Variants in MAP3K15 observed in about 807,000 individuals in gnomAD.
MAP3K15 encodes the protein mitogen-activated protein kinase kinase kinase 15, also known as MAPK/ERK kinase kinase 15.
MAP3K15 carries 124 observed loss-of-function variants against 99.5 expected under a neutral mutation model. The observed-to-expected ratio is 1.25, with a 90% CI of 1.08 to 1.45. The LOEUF is 1.45. MAP3K15 is among the 40% of genes most tolerant of loss of function. The pLI is 0.00. For missense variants in MAP3K15, 1,242 were observed against 1,079.7 expected (o/e 1.15, Z -2.11); for synonymous variants, 494 against 439.6 (o/e 1.12, Z -1.55).
chrX:19,415,901 T>A (rs144899916), intron 9 of MAP3K15, among the ~76,000 whole-genome samples: 1,404 of 111,589 alleles, frequency 0.013, 19 homozygotes, highest in African/African-American at 0.043. Flanking sequence ...AAGAAAAATA[T>A]AAACAAATGT....
rs184173468 is a variant in MAP3K15 at position 19,497,879 on chromosome X, G to T, written c.362-8912C>A. ...TTTGCGTTCCTCTGCACAGGACAAG[G>T]AATGGGGTTAGGATGCAATCTTCAA... On this transcript the variant is annotated intron_variant, in intron 1 of 28. Coordinates refer to ENST00000338883, the MANE Select transcript of MAP3K15 (RefSeq NM_001001671.4). Among the ~76,000 whole-genome samples the T allele has an allele frequency of 3.2e-4, 36 of 111,395 alleles. No individual in the cohort carries two copies. In the Admixed American group the frequency reaches 3.3e-3, roughly 10 times the overall value.
At chrX:19,458,076 TG>T (rs746647566) in intron 5 of MAP3K15, among the ~76,000 whole-genome samples, 11 of 112,245 alleles carry the variant, frequency 9.8e-5, no homozygotes, top group Admixed American at 8.5e-4. Context: ...TTAGAATCGT[TG>T]GAACTGGCCA....
chrX:19,483,820 C>T (rs1738296469), intron 3 of MAP3K15, among the ~76,000 whole-genome samples: 2 of 111,912 alleles, frequency 1.8e-5, no homozygotes, highest in African/African-American at 6.5e-5. Flanking sequence ...AACCATTTTT[C>T]TGTTTACCCT....
intron 9 of MAP3K15, among the ~76,000 whole-genome samples, chrX:19,417,355 G>C (rs187901292): frequency 1.1e-4 from 12 of 111,991 alleles, no homozygotes; most frequent in African/African-American, 3.9e-4. Flanking sequence ...CTAATACTGC[G>C]CTTTTCCAAT....
intron 6 of MAP3K15, among the ~76,000 whole-genome samples, chrX:19,456,105 C>T (rs1032306471): frequency 1.8e-5 from 2 of 110,864 alleles, no homozygotes; most frequent in African/African-American, 3.3e-5. Context: ...CAGAATCCTA[C>T]CACTGTTTGC....
intron 12 of MAP3K15, 68 bp downstream of exon 12, chrX:19,409,856 T>G: frequency 1.1e-6 from 1 of 871,439 alleles, no homozygotes; most frequent in East Asian, 3.1e-5. Flanking sequence ...AGTGGAAACA[T>G]TAAAGTGCAT....
At chrX:19,456,322 T>C (rs779238440) in intron 6 of MAP3K15, among the ~76,000 whole-genome samples, 7 of 111,551 alleles carry the variant, frequency 6.3e-5, no homozygotes, top group African/African-American at 9.8e-5. Context: ...AAACCACTAA[T>C]ACACACAACC....
Position 19,460,082 on chromosome X carries a change from G to A in MAP3K15, c.791C>T (p.Ala264Val), listed in dbSNP as rs755751423. Residue 264 changes from alanine to valine, a missense_variant, in exon 5 of 29, where the codon GCG becomes GTG. Ala to Val is a moderately conservative substitution (Grantham distance 64, BLOSUM62 0). Transcript: ENST00000338883. ...AREKYQGEELAKELARIKLRM... is the reference protein window; with the variant it reads ...AREKYQGEELVKELARIKLRM... ...GAGCTTGATCCGAGCTAGCTCCTTCGCCAGTTCCTCACCTTGGTATTTCTC... is the reference window on the plus strand; with the variant it reads ...GAGCTTGATCCGAGCTAGCTCCTTCACCAGTTCCTCACCTTGGTATTTCTC... The A allele has an allele frequency of 2.2e-4, 267 of 1,193,642 alleles. 1 individual carries two copies. In the South Asian group the frequency reaches 2.6e-3, roughly 12 times the overall value.
At chrX:19,500,084 T>C (rs1305537052) in intron 1 of MAP3K15, among the ~76,000 whole-genome samples, 3 of 111,483 alleles carry the variant, frequency 2.7e-5, no homozygotes, top group Admixed American at 9.5e-5. Flanking sequence ...CAATCTCTAC[T>C]AAAAATACAA....
At chrX:19,410,363 A>G (rs2063678327) in intron 11 of MAP3K15, among the ~76,000 whole-genome samples, 1 of 112,419 alleles carries the variant, frequency 8.9e-6, no homozygotes, top group South Asian at 3.7e-4. Flanking sequence ...ACTGCGACAG[A>G]CACCTTTCAG....
intron 6 of MAP3K15, among the ~76,000 whole-genome samples, chrX:19,435,368 G>C (rs1326903311): frequency 1.8e-5 from 2 of 110,583 alleles, no homozygotes; most frequent in Admixed American, 9.7e-5. Flanking sequence ...TGTGACTACA[G>C]GCACGTACTA....
intron 16 of MAP3K15, among the ~76,000 whole-genome samples, chrX:19,392,868 C>A (rs2063537203): frequency 1.8e-5 from 2 of 110,550 alleles, no homozygotes; most frequent in African/African-American, 3.3e-5. Context: ...CTGTCTCAGT[C>A]ATTCTGCTTG....
intron 1 of MAP3K15, among the ~76,000 whole-genome samples, chrX:19,493,763 A>T (rs1418353876): frequency 1.8e-5 from 2 of 110,953 alleles, no homozygotes; most frequent in African/African-American, 3.3e-5. Context: ...AGGTAGAAAA[A>T]TGAAGTGCAA....
At chrX:19,374,119 G>C (rs933886543) in intron 20 of MAP3K15, among the ~76,000 whole-genome samples, 1 of 110,998 alleles carries the variant, frequency 9.0e-6, no homozygotes, top group East Asian at 2.9e-4. Context: ...GACAAGCCAG[G>C]CTCCAAAACT....
intron 3 of MAP3K15, among the ~76,000 whole-genome samples, chrX:19,467,347 C>T (rs2064175589): frequency 9.0e-6 from 1 of 110,596 alleles, no homozygotes; most frequent in Non-Finnish European, 1.9e-5. Context: ...GACCAGGCCA[C>T]CAACATTCTT....
chrX:19,491,518 T>G (rs2064368536), intron 1 of MAP3K15, among the ~76,000 whole-genome samples: 1 of 108,513 alleles, frequency 9.2e-6, no homozygotes, highest in African/African-American at 3.4e-5. Flanking sequence ...GAAAGAGCGG[T>G]GCATTAACAG....
chrX:19,419,991 T>C (rs902238981), intron 9 of MAP3K15, among the ~76,000 whole-genome samples: 3 of 111,354 alleles, frequency 2.7e-5, no homozygotes, highest in Admixed American at 9.6e-5. Flanking sequence ...TTGAAACCAA[T>C]GAGAAAAAAG....
At chrX:19,388,666 G>T (rs1218326512) in intron 18 of MAP3K15, among the ~76,000 whole-genome samples, 1 of 111,777 alleles carries the variant, frequency 8.9e-6, no homozygotes, top group African/African-American at 3.3e-5. Context: ...AGAAACTGAG[G>T]CACATGGAGG....
intron 9 of MAP3K15, among the ~76,000 whole-genome samples, chrX:19,415,587 A>G (rs1002077689): frequency 8.9e-6 from 1 of 112,015 alleles, no homozygotes; most frequent in African/African-American, 3.2e-5. Context: ...TGACTCTTGA[A>G]CAACACAGGT....
Sources: gnomAD v4.1 joint callset for allele counts (sites outside exome capture counted in the v4.1 genomes callset) on GRCh38, gnomAD v4.1.1 for gene constraint, MANE v1.5 for transcripts, NCBI Gene and HGNC (gene_info 2026-07-23, HGNC 2026-07-21) for gene names.